The following BRSK2 variants were observed in gnomAD, a reference collection of about 807,000 sequenced individuals.
The protein encoded by BRSK2 is BR serine/threonine kinase 2, also known as serine/threonine-protein kinase BRSK2.
BRSK2 carries 19 observed loss-of-function variants against 83.3 expected under a neutral mutation model. The observed-to-expected ratio is 0.23, with a 90% CI of 0.16 to 0.33. The LOEUF is 0.33. Among genes scored for constraint, BRSK2 ranks in the 10% least tolerant of loss-of-function variants. The probability of loss-of-function intolerance (pLI) is 1.00; values close to 1 mark genes in which losing one functional copy is unlikely to be tolerated. For missense variants in BRSK2, 798 were observed against 1,042.3 expected (o/e 0.77, Z 3.23); for synonymous variants, 519 against 435.4 (o/e 1.19, Z -2.39).
chr11:1,442,955 C>T, intron 5 of BRSK2, 151 bp from the exon 6 acceptor site: 1 of 983,990 alleles, frequency 1.0e-6, no homozygotes, highest in African/African-American at 1.6e-5. Context: ...GATCTCCTCC[C>T]AAAAGCCCGC....
Position 1,460,828 on chromosome 11 carries a change from G to C in BRSK2, c.*105G>C, listed in dbSNP as rs1470784068. On this transcript the variant is annotated 3_prime_UTR_variant, in exon 20 of 20. Coordinates refer to ENST00000528841, the MANE Select transcript of BRSK2 (RefSeq NM_001256627.2). ...CGCGGCCGCGCCGCCCGTCCGTCCA[G>C]ACTGTTCTCAGAGCCTGGGAGGAAA... The C allele has an allele frequency of 3.9e-6, 6 of 1,525,274 alleles. No individual in the cohort carries two copies. The highest frequency in any genetic ancestry group is 8.8e-7 in the Non-Finnish European group (1 of 1,140,150). 94.5% of individuals were successfully genotyped at this position (1,525,274 alleles called of 1,614,324 possible). A position where few individuals can be genotyped will look rare whatever the true frequency, so the allele number is the denominator to read the frequency against.
chr11:1,461,919 G>C lies in BRSK2; in HGVS notation c.*1196G>C, dbSNP rs1044300932. 1 of 152,044 alleles carries C rather than the reference G, an allele frequency of 6.6e-6. No individual in the cohort carries two copies. The highest frequency in any genetic ancestry group is 1.5e-5 in the Non-Finnish European group (1 of 68,002). 9.4% of individuals were successfully genotyped at this position (152,044 alleles called of 1,614,324 possible). ...TGTGGAGAAGCAGCTCCACCTCTGGGGGGGCTCGGGGCAGAGGGGCGGTGT... is the reference window on the plus strand; with the variant it reads ...TGTGGAGAAGCAGCTCCACCTCTGGCGGGGCTCGGGGCAGAGGGGCGGTGT... On this transcript the variant is annotated 3_prime_UTR_variant, in exon 20 of 20. Coordinates refer to ENST00000528841, the MANE Select transcript of BRSK2 (RefSeq NM_001256627.2).
chr11:1,411,186 C>T, intron 1 of BRSK2: 1 of 1,233,318 alleles, frequency 8.1e-7, no homozygotes, highest in Non-Finnish European at 1.0e-6. Flanking sequence ...TTCCTGGTCA[C>T]TGAGCCAGCC....
At chr11:1,437,286 G>A (rs1453889337) in intron 2 of BRSK2, among the ~76,000 whole-genome samples, 1 of 152,140 alleles carries the variant, frequency 6.6e-6, no homozygotes, top group Non-Finnish European at 1.5e-5. Flanking sequence ...TTGGGGACAG[G>A]CTGGCCAACT....
intron 2 of BRSK2, 116 bp downstream of exon 2, chr11:1,436,250 G>GGGGGGGCC: frequency 1.8e-5 from 3 of 168,876 alleles, no homozygotes; most frequent in Non-Finnish European, 1.9e-5. Context: ...GGGGGGGCGG[G>GGGGGGGCC]CCCTGCAGGC....
chr11:1,448,977 C>T (rs1268027681), intron 12 of BRSK2, among the ~76,000 whole-genome samples: 1 of 152,230 alleles, frequency 6.6e-6, no homozygotes, highest in Non-Finnish European at 1.5e-5. Flanking sequence ...CTTCTCTGTC[C>T]TCTTCTCTTC....
At chr11:1,458,249 C>T (rs1418315869) in intron 18 of BRSK2, among the ~76,000 whole-genome samples, 1 of 152,120 alleles carries the variant, frequency 6.6e-6, no homozygotes, top group Non-Finnish European at 1.5e-5. Flanking sequence ...CCCAGCCTGG[C>T]CCCTTAAAGT....
chr11:1,429,426 A>G (rs1272058964), intron 1 of BRSK2, among the ~76,000 whole-genome samples: 1 of 151,864 alleles, frequency 6.6e-6, no homozygotes, highest in African/African-American at 2.4e-5. Context: ...GCATGGAGGT[A>G]TGCACACACC....
In BRSK2 at chr11:1,390,474, G is replaced by C; in HGVS notation, c.91+99G>C. On this transcript the variant is annotated intron_variant, in intron 1 of 19. Coordinates refer to ENST00000528841, the MANE Select transcript of BRSK2 (RefSeq NM_001256627.2). This position sits in a 1 kb window ranked among gnomAD's most constrained non-coding sequence, Gnocchi z 6.8. ...GGAGGCCCCGGCCGCGAAGCCGCAG[G>C]CCCGGCCCGGGCCCCGGCCGCGAAC... 1.6e-6 allele frequency: 1 copy of C among 611,214 alleles called. No individual in the cohort carries two copies. 37.9% of individuals were successfully genotyped at this position (611,214 alleles called of 1,614,324 possible).
chr11:1,446,298 C>T (rs1852107506), intron 12 of BRSK2, among the ~76,000 whole-genome samples: 1 of 149,126 alleles, frequency 6.7e-6, no homozygotes, highest in Non-Finnish European at 1.5e-5. Flanking sequence ...CTGAGCTGGG[C>T]TGAGCTGGGC....
At chr11:1,411,550 ACACTCCCGGCCCACAGCTGCTCCAGCCG>A (rs780719911) in intron 1 of BRSK2, 2 of 1,566,286 alleles carry the variant, frequency 1.3e-6, no homozygotes, top group Non-Finnish European at 1.7e-6. Context: ...CCAGCTGGCC[ACACTCCCGGCCCACAGCTGCTCCAGCCG>A]CACCTCCACC....
intron 18 of BRSK2, chr11:1,456,997 T>A (rs1846655670): frequency 1.3e-6 from 2 of 1,596,824 alleles, no homozygotes; most frequent in Non-Finnish European, 1.7e-6. Flanking sequence ...GGTGCTGGGC[T>A]TAAGGGCCAG....
intron 3 of BRSK2, 62 bp from the exon 4 acceptor site, chr11:1,440,726 T>G: frequency 6.6e-7 from 1 of 1,523,112 alleles, no homozygotes; most frequent in South Asian, 1.2e-5. Context: ...TGGGAGGCCC[T>G]GGGATGAGGA....
Position 1,438,351 on chromosome 11 carries a change from G to A in BRSK2, c.232G>A (p.Val78Ile), listed in dbSNP as rs1451422934. The stretch of plus-strand genomic sequence containing the variant: ...CCTGAAGCTCATTGAGCACCCCCAC[G>A]TCCTAAAGCTGCACGACGTTTATGA... ...AILKLIEHPH[V>I]LKLHDVYENK... The change falls in exon 3 of 20, where the codon GTC becomes ATC. Residue 78 changes from valine (V) to isoleucine (I), a missense_variant. By Grantham distance (29) the Val-to-Ile change is conservative. Transcript: ENST00000528841. This position sits in a 1 kb window ranked among gnomAD's most constrained non-coding sequence, Gnocchi z 6.4. 5.0e-6 allele frequency: 8 copies of A among 1,613,988 alleles called. No homozygotes were observed. The highest frequency in any genetic ancestry group is 1.3e-5 in the African/African-American group (1 of 74,944).
At chr11:1,429,392 G>A (rs549366362) in intron 1 of BRSK2, among the ~76,000 whole-genome samples, 6 of 135,780 alleles carry the variant, frequency 4.4e-5, no homozygotes, top group Admixed American at 3.7e-4. Flanking sequence ...TGTGTGCACT[G>A]AGTGTAGGCA....
Position 1,451,362 on chromosome 11 carries a change from T to G in BRSK2, c.1496-9T>G. The G allele has an allele frequency of 6.2e-7, 1 of 1,612,942 alleles. No individual in the cohort carries two copies. Among genetic ancestry groups the G allele is most frequent in the Non-Finnish European group, 8.5e-7 (1 of 1,179,864 alleles). On this transcript the variant is annotated splice_polypyrimidine_tract_variant and intron_variant, in intron 14 of 19. Transcript: ENST00000528841. ...CACGCCTTTCCTCCTGTTCATCCTG[T>G]GTGCACAGTTCCGACGCCGGAGGAG...
In BRSK2 at chr11:1,438,504, G is replaced by C. The variant is rs1430622632; in HGVS notation, c.272+113G>C. On this transcript the variant is annotated intron_variant, in intron 3 of 19. Coordinates refer to ENST00000528841, the MANE Select transcript of BRSK2 (RefSeq NM_001256627.2). The surrounding 1 kb of genome is among the most constrained non-coding windows in gnomAD (Gnocchi z 6.4). ...GGGCTGGAGGCCAGGGGCGCCTGCT[G>C]CATCCCAGCAGCCCTGGCCCTGCTA... is the stretch of plus-strand genomic sequence containing the variant. 5.4e-6 allele frequency: 5 copies of C among 926,168 alleles called. No homozygotes were observed. Among genetic ancestry groups the C allele is most frequent in the African/African-American group, 3.3e-5 (2 of 60,870 alleles). The allele number at this position is 926,168 out of a possible 1,614,324, so 57.4% of individuals were successfully genotyped here.
chr11:1,449,949 G>GC lies in BRSK2; in HGVS notation c.1287+119dup, dbSNP rs545419054. 7.7e-4 allele frequency: 531 copies of GC among 691,474 alleles called. 1 individual carries two copies. Among genetic ancestry groups the GC allele is most frequent in the African/African-American group, 3.1e-3 (172 of 55,864 alleles). The allele number at this position is 691,474 out of a possible 1,614,324, so 42.8% of individuals were successfully genotyped here. On this transcript the variant is annotated intron_variant, in intron 13 of 19. Transcript: ENST00000528841. ...CGGACCCTGGGAAGCAGCCCCAGGC[G>GC]CCCCCCATGCCCACGCTCCTGTGGC...
chr11:1,411,759 A>C (rs1450320469), intron 1 of BRSK2: 1 of 1,363,714 alleles, frequency 7.3e-7, no homozygotes, highest in East Asian at 2.6e-5. Flanking sequence ...ACCTGCTGGG[A>C]GGGCCAGCTG....
Sources: allele counts gnomAD v4.1 joint callset (sites outside exome capture counted in the v4.1 genomes callset), GRCh38; gene constraint gnomAD v4.1.1; non-coding constraint Gnocchi (gnomAD v3.1); transcripts MANE v1.5; gene names NCBI Gene and HGNC (gene_info 2026-07-23, HGNC 2026-07-21).